Variants in SLC16A7 observed in about 807,000 individuals in gnomAD.
The protein encoded by SLC16A7 is monocarboxylate transporter 2.
Under a neutral mutation model 34.9 loss-of-function variants are expected in SLC16A7, and 33 were observed. The observed-to-expected ratio is 0.94, with a 90% CI of 0.72 to 1.26. The LOEUF (loss-of-function observed/expected upper bound fraction) is 1.26, where lower values mean the gene tolerates loss of function less well. Among genes scored for constraint, SLC16A7 ranks in the 50% most tolerant of loss-of-function variants. The pLI is 0.00. For synonymous variants in SLC16A7, 201 were observed against 206.6 expected (o/e 0.97, Z 0.23); for missense variants, 573 against 578.1 (o/e 0.99, Z 0.09).
intron 2 of SLC16A7, among the ~76,000 whole-genome samples, chr12:59,678,573 T>G (rs754553556): frequency 1.3e-5 from 2 of 152,138 alleles, no homozygotes; most frequent in African/African-American, 2.4e-5. Flanking sequence ...CCATCGTCTC[T>G]TTGAGTCTAG....
chr12:59,706,996 G>A (rs918251386), intron 3 of SLC16A7, among the ~76,000 whole-genome samples: 14 of 152,002 alleles, frequency 9.2e-5, no homozygotes, highest in South Asian at 2.1e-4. Context: ...AACAATACAG[G>A]TTATTTCTTT....
At chr12:59,635,747 A>C (rs1018422753) in intron 1 of SLC16A7, among the ~76,000 whole-genome samples, 1 of 151,948 alleles carries the variant, frequency 6.6e-6, no homozygotes, top group Non-Finnish European at 1.5e-5. Flanking sequence ...GATATTTCTG[A>C]CTTGATTTAT....
intron 1 of SLC16A7, among the ~76,000 whole-genome samples, chr12:59,640,276 C>T (rs184123593): frequency 9.2e-5 from 14 of 152,126 alleles, no homozygotes; most frequent in African/African-American, 2.9e-4. Context: ...GTAAGCAGAA[C>T]GAAAGGGAAT....
chr12:59,722,420 A>G (rs1875712179), intron 3 of SLC16A7, among the ~76,000 whole-genome samples: 2 of 151,852 alleles, frequency 1.3e-5, no homozygotes, highest in African/African-American at 4.8e-5. Context: ...ATACCTACCA[A>G]TGAAATCCTG....
At chr12:59,662,251 C>T (rs919680059) in intron 2 of SLC16A7, among the ~76,000 whole-genome samples, 12 of 152,008 alleles carry the variant, frequency 7.9e-5, no homozygotes, top group African/African-American at 2.9e-4. Flanking sequence ...ATCATAATCT[C>T]ACAAGGGAAA....
intron 2 of SLC16A7, among the ~76,000 whole-genome samples, chr12:59,662,136 T>C (rs1795903): frequency 0.97 from 147,079 of 152,168 alleles, 71,136 homozygotes; most frequent in Middle Eastern, 1. Context: ...AAAATATATA[T>C]CTGAGCCTTC....
intron 2 of SLC16A7, among the ~76,000 whole-genome samples, chr12:59,671,062 T>C (rs1592462786): frequency 6.6e-6 from 1 of 152,284 alleles, no homozygotes; most frequent in Non-Finnish European, 1.5e-5. Context: ...GTCCAAGCCA[T>C]CAGACAAGAG....
chr12:59,777,121 A>C (rs1339271082), intron 5 of SLC16A7, among the ~76,000 whole-genome samples: 1 of 152,218 alleles, frequency 6.6e-6, no homozygotes, highest in African/African-American at 2.4e-5. Flanking sequence ...TGAGCAGATA[A>C]TGTGCATTAA....
chr12:59,765,232 G>A (rs1246598776), intron 3 of SLC16A7, among the ~76,000 whole-genome samples: 1 of 151,918 alleles, frequency 6.6e-6, no homozygotes, highest in Non-Finnish European at 1.5e-5. Context: ...CTGGATATTA[G>A]CCCTTTGTCA....
chr12:59,692,645 C>T (rs1369953794), intron 2 of SLC16A7, among the ~76,000 whole-genome samples: 1 of 151,808 alleles, frequency 6.6e-6, no homozygotes, highest in Non-Finnish European at 1.5e-5. Context: ...TTATTTTTTT[C>T]TAACTTGCCC....
chr12:59,640,778 C>T (rs17122766), intron 1 of SLC16A7, among the ~76,000 whole-genome samples: 7,350 of 151,834 alleles, frequency 0.048, 217 homozygotes, highest in South Asian at 0.11. Flanking sequence ...TCTTGGAAGC[C>T]TCATAAAGAG....
chr12:59,710,918 C>T (rs1028256938), intron 3 of SLC16A7, among the ~76,000 whole-genome samples: 7 of 152,178 alleles, frequency 4.6e-5, no homozygotes, highest in Non-Finnish European at 1.0e-4. Flanking sequence ...CAGCATGTTA[C>T]ACTCTCTCTT....
chr12:59,648,947 T>C (rs113234767), intron 1 of SLC16A7, among the ~76,000 whole-genome samples: 95 of 152,266 alleles, frequency 6.2e-4, no homozygotes, highest in African/African-American at 2.2e-3. Context: ...GAGAAATGGA[T>C]TTTGAAGGAA....
intron 2 of SLC16A7, among the ~76,000 whole-genome samples, chr12:59,696,961 T>A (rs1391348815): frequency 6.6e-6 from 1 of 151,812 alleles, no homozygotes; most frequent in Non-Finnish European, 1.5e-5. Flanking sequence ...AATAAATTGA[T>A]GAACTATGGA....
Position 59,783,656 on chromosome 12 carries a change from T to TCTTTCTTTC in SLC16A7, c.*3977_*3978insCTTTCTTTC, listed in dbSNP as rs71074389. On this transcript the variant is annotated 3_prime_UTR_variant, in exon 6 of 6. Coordinates refer to ENST00000547379, the MANE Select transcript of SLC16A7 (RefSeq NM_001270623.2). The stretch of plus-strand genomic sequence containing the variant: ...TATGTAATTTCTTTCTTTCTTTCTT[T>TCTTTCTTTC]TTTTTTTTTTTTGAGACTGAGTCTC... 6.9e-6 allele frequency: 1 copy of TCTTTCTTTC among 144,542 alleles called. No individual in the cohort carries two copies. The highest frequency in any genetic ancestry group is 2.7e-5 in the African/African-American group (1 of 37,506). The allele number at this position is 144,542 out of a possible 1,614,324, so 9.0% of individuals were successfully genotyped here.
intron 1 of SLC16A7, among the ~76,000 whole-genome samples, chr12:59,635,695 T>C (rs1259643844): frequency 1.3e-5 from 2 of 152,096 alleles, no homozygotes; most frequent in Non-Finnish European, 2.9e-5. Flanking sequence ...AGATGGATTC[T>C]ATTTTGACAA....
intron 1 of SLC16A7, among the ~76,000 whole-genome samples, chr12:59,654,777 A>G (rs918787753): frequency 2.0e-5 from 3 of 151,824 alleles, no homozygotes; most frequent in African/African-American, 7.2e-5. Flanking sequence ...AAAACAAGCT[A>G]TTGGTTTGAA....
chr12:59,652,809 G>GA (rs1275157995), intron 1 of SLC16A7, among the ~76,000 whole-genome samples: 1 of 151,666 alleles, frequency 6.6e-6, no homozygotes, highest in East Asian at 1.9e-4. Context: ...AAGAAATTAT[G>GA]AAAAAGTTGC....
At chr12:59,736,483 C>T (rs1877618599) in intron 3 of SLC16A7, among the ~76,000 whole-genome samples, 1 of 152,168 alleles carries the variant, frequency 6.6e-6, no homozygotes, top group African/African-American at 2.4e-5. Context: ...AGCTAATTTT[C>T]ACTTTGGTCA....
Sources: allele counts gnomAD v4.1 joint callset (sites outside exome capture counted in the v4.1 genomes callset), GRCh38; gene constraint gnomAD v4.1.1; transcripts MANE v1.5; gene names NCBI Gene and HGNC (gene_info 2026-07-23, HGNC 2026-07-21).